Variants in SEM1 observed in about 807,000 individuals in gnomAD.
SEM1 encodes 26S proteasome complex subunit SEM1.
SEM1 carries 3 observed loss-of-function variants against 12.7 expected under a neutral mutation model. That is an observed-to-expected ratio of 0.24 (90% CI 0.11 to 0.61). The LOEUF (loss-of-function observed/expected upper bound fraction) is 0.61. SEM1 is among the 20% of genes least tolerant of loss of function. The pLI is 0.88. For missense variants in SEM1, 59 were observed against 81.3 expected (o/e 0.73, Z 1.06); for synonymous variants, 30 against 27.8 (o/e 1.08, Z -0.25).
chr7:96,547,905 G>T (rs886937413), intron 2 of SEM1, among the ~76,000 whole-genome samples: 3 of 152,116 alleles, frequency 2.0e-5, no homozygotes, highest in Admixed American at 6.6e-5. Flanking sequence ...GTACTGTAAA[G>T]ATTGGTGACC....
chr7:96,680,415 C>T (rs1385909022), intron 2 of SEM1, among the ~76,000 whole-genome samples: 1 of 152,008 alleles, frequency 6.6e-6, no homozygotes, highest in Non-Finnish European at 1.5e-5. Flanking sequence ...ATAAACACAA[C>T]CAACAACAAA....
chr7:96,547,602 T>G (rs1805141847), intron 2 of SEM1, among the ~76,000 whole-genome samples: 1 of 152,160 alleles, frequency 6.6e-6, no homozygotes, highest in Non-Finnish European at 1.5e-5. Context: ...CTGTCGTTTT[T>G]TATAACTGTT....
chr7:96,592,999 T>TAAAA (rs1554421689), intron 2 of SEM1, among the ~76,000 whole-genome samples: 1 of 128,054 alleles, frequency 7.8e-6, no homozygotes, highest in Admixed American at 8.1e-5. Context: ...TCTCCCATAT[T>TAAAA]AAAAAAAAAA....
chr7:96,557,728 G>T (rs1460054762), intron 2 of SEM1, among the ~76,000 whole-genome samples: 15 of 146,876 alleles, frequency 1.0e-4, no homozygotes, highest in African/African-American at 3.5e-4. Context: ...CCCAGTTGGA[G>T]CTTCCCGGCT....
intron 1 of SEM1, among the ~76,000 whole-genome samples, chr7:96,492,585 ATTTTTTTTTTTTT>A (rs59252542): frequency 7.5e-5 from 6 of 79,676 alleles, no homozygotes; most frequent in Non-Finnish European, 1.3e-4. Flanking sequence ...AATTTTTTGT[ATTTTTTTTTTTTT>A]TTTTTTTTTT....
intron 2 of SEM1, among the ~76,000 whole-genome samples, chr7:96,589,955 G>C (rs1366743902): frequency 2.0e-5 from 3 of 152,054 alleles, no homozygotes; most frequent in African/African-American, 7.2e-5. Context: ...AGAAAACAAT[G>C]GAGTTTTCAC....
chr7:96,534,092 T>C (rs1316901365), intron 2 of SEM1, among the ~76,000 whole-genome samples: 1 of 152,090 alleles, frequency 6.6e-6, no homozygotes, highest in African/African-American at 2.4e-5. Context: ...TTTCTTTTCA[T>C]GGAACACCAT....
chr7:96,653,403 C>T (rs1228625475), intron 2 of SEM1, among the ~76,000 whole-genome samples: 1 of 152,182 alleles, frequency 6.6e-6, no homozygotes, highest in East Asian at 1.9e-4. Context: ...TGAGTTCAGA[C>T]TCTAACAGGG....
intron 2 of SEM1, among the ~76,000 whole-genome samples, chr7:96,595,754 C>A (rs1454392617): frequency 2.0e-5 from 3 of 151,854 alleles, no homozygotes; most frequent in Admixed American, 6.6e-5. Context: ...ATTTTATATT[C>A]ATAAGTGTTC....
chr7:96,613,565 T>G (rs2116248029), intron 2 of SEM1, among the ~76,000 whole-genome samples: 1 of 152,310 alleles, frequency 6.6e-6, no homozygotes, highest in East Asian at 1.9e-4. Context: ...CAATCCTTGC[T>G]TTTAGCTATT....
intron 2 of SEM1, chr7:96,637,167 C>T (rs1462616160): frequency 1.3e-5 from 2 of 151,970 alleles, no homozygotes; most frequent in African/African-American, 4.8e-5. Context: ...TTGCTTCTAT[C>T]AGGAAGCCAT....
intron 2 of SEM1, among the ~76,000 whole-genome samples, chr7:96,651,428 A>T (rs968885943): frequency 1.3e-5 from 2 of 152,182 alleles, no homozygotes; most frequent in Non-Finnish European, 2.9e-5. Context: ...TCAAGAAAAA[A>T]AAAATCCAAA....
At chr7:96,555,495 C>T (rs983486738) in intron 2 of SEM1, among the ~76,000 whole-genome samples, 44 of 127,546 alleles carry the variant, frequency 3.4e-4, no homozygotes, top group African/African-American at 4.3e-4. Flanking sequence ...TGTAGTTGAG[C>T]GGTTTTGAGT....
intron 2 of SEM1, among the ~76,000 whole-genome samples, chr7:96,646,799 GTTTA>G (rs1048674821): frequency 2.0e-5 from 3 of 152,172 alleles, no homozygotes; most frequent in African/African-American, 4.8e-5. Context: ...GAGTCACAGA[GTTTA>G]TTTCTTTCTT....
chr7:96,483,577 TC>T (rs1207904308), exon 4 of SEM1: 2 of 420,690 alleles, frequency 4.8e-6, no homozygotes, highest in African/African-American at 4.1e-5. Flanking sequence ...CTATTTTCAC[TC>T]TGGAACCAGC....
chr7:96,620,838 GT>G (rs1379735213), downstream of SEM1, among the ~76,000 whole-genome samples: 13 of 151,706 alleles, frequency 8.6e-5, no homozygotes, highest in African/African-American at 2.4e-4. Flanking sequence ...GTTTTTTTTA[GT>G]TTATATTTTT....
chr7:96,518,523 G>A (rs1019282170), intron 2 of SEM1, among the ~76,000 whole-genome samples: 6 of 152,094 alleles, frequency 3.9e-5, no homozygotes, highest in Admixed American at 1.3e-4. Flanking sequence ...TGACCATTTG[G>A]TCCACTGTCC....
intron 2 of SEM1, among the ~76,000 whole-genome samples, chr7:96,636,236 G>A (rs764854081): frequency 3.9e-5 from 6 of 151,950 alleles, no homozygotes; most frequent in Non-Finnish European, 8.8e-5. Flanking sequence ...TCCAATCAGA[G>A]CACAAGGCAC....
chr7:96,706,907 G>C (rs934320935), intron 1 of SEM1, among the ~76,000 whole-genome samples: 3 of 152,126 alleles, frequency 2.0e-5, no homozygotes, highest in African/African-American at 7.2e-5. Flanking sequence ...ATTTTAATTT[G>C]TATCTGTTAG....
Sources: allele counts gnomAD v4.1 joint callset (sites outside exome capture counted in the v4.1 genomes callset), GRCh38; gene constraint gnomAD v4.1.1; transcripts MANE v1.5; gene names NCBI Gene and HGNC (gene_info 2026-07-23, HGNC 2026-07-21).